CNBP: variants seen among roughly 807,000 people sequenced by gnomAD.
The protein encoded by CNBP is cellular nucleic acid-binding protein.
In CNBP, 6 loss-of-function variants were observed where a neutral mutation model predicts 21.2. That is an observed-to-expected ratio of 0.28 (90% CI 0.16 to 0.56). The LOEUF is 0.56. CNBP is among the 20% of genes least tolerant of loss of function. CNBP has a pLI of 0.93. For synonymous variants in CNBP, 61 were observed against 74.9 expected (o/e 0.81, Z 0.96); for missense variants, 112 against 233.1 (o/e 0.48, Z 3.38).
chr3:129,181,132 T>A (rs1344742901), intron 1 of CNBP, among the ~76,000 whole-genome samples: 1 of 146,624 alleles, frequency 6.8e-6, no homozygotes, highest in Non-Finnish European at 1.5e-5. Context: ...CCCAGCTACT[T>A]GGGAGGCTGA....
chr3:129,170,989 A>C (rs925243868), intron 4 of CNBP, 90 bp downstream of exon 4: 10 of 1,358,200 alleles, frequency 7.4e-6, no homozygotes, highest in Non-Finnish European at 1.0e-5. Flanking sequence ...AGTTTCACTG[A>C]ATTTACTAAG....
At position 129,179,512 on chromosome 3, in the gene CNBP, A is replaced by C. The variant is rs142711181; in HGVS notation, c.-15+4264T>G. 7.6e-3 allele frequency among the ~76,000 whole-genome samples: 1,164 copies of C among 152,264 alleles called. 12 individuals carry two copies. The highest frequency in any genetic ancestry group is 0.026 in the African/African-American group (1,068 of 41,544). ...GATATCTATGAGTCAGTCATTAGTAAACATATCTATAATCTTACAACCTCA... is the reference window on the plus strand; with the variant it reads ...GATATCTATGAGTCAGTCATTAGTACACATATCTATAATCTTACAACCTCA... On this transcript the variant is annotated intron_variant, in intron 1 of 4. Coordinates refer to ENST00000422453, the MANE Select transcript of CNBP (RefSeq NM_003418.5).
chr3:129,176,018 A>G (rs1937881353), intron 1 of CNBP, among the ~76,000 whole-genome samples: 1 of 152,104 alleles, frequency 6.6e-6, no homozygotes. Context: ...TAAACTAACC[A>G]CTTTCCACAA....
In CNBP at chr3:129,173,281, T is replaced by C. The variant is rs147077480; in HGVS notation, c.-14-1510A>G. On this transcript the variant is annotated intron_variant, in intron 1 of 4. Coordinates refer to ENST00000422453, the MANE Select transcript of CNBP (RefSeq NM_003418.5). The stretch of plus-strand genomic sequence containing the variant: ...AAGTATATGGGAAGATGTGCAAAGG[T>C]TGTAATGCAAGTACTACACTATTTT... Among the ~76,000 whole-genome samples, 44 of 152,292 alleles carry C rather than the reference T, an allele frequency of 2.9e-4. 1 individual carries two copies. Among genetic ancestry groups the C allele is most frequent in the African/African-American group, 2.6e-4 (11 of 41,560 alleles).
chr3:129,181,688 T>G (rs986569610), intron 1 of CNBP, among the ~76,000 whole-genome samples: 1 of 143,798 alleles, frequency 7.0e-6, no homozygotes, highest in Non-Finnish European at 1.5e-5. Context: ...TTCCACTGAT[T>G]TGGTTCAAAA....
At chr3:129,182,936 GTTGTTGT>G (rs1438561959) in intron 1 of CNBP, among the ~76,000 whole-genome samples, 2 of 37,134 alleles carry the variant, frequency 5.4e-5, no homozygotes, top group African/African-American at 1.1e-4. Flanking sequence ...GGAACCCTTT[GTTGTTGT>G]TTGTTTGTTT....
intron 1 of CNBP, among the ~76,000 whole-genome samples, chr3:129,174,786 T>C (rs539744347): frequency 1.3e-4 from 20 of 152,322 alleles, no homozygotes; most frequent in South Asian, 2.1e-4. Flanking sequence ...CATTTAACTA[T>C]TGATCTCAAG....
rs1937533229 is a variant in CNBP, at chr3:129,169,580, C to T, written c.*873G>A. 4.8e-6 allele frequency: 1 copy of T among 208,242 alleles called. No homozygotes were observed. Among genetic ancestry groups the T allele is most frequent in the Non-Finnish European group, 9.8e-6 (1 of 102,168 alleles). 12.9% of individuals were successfully genotyped at this position (208,242 alleles called of 1,614,324 possible). A position where few individuals can be genotyped will look rare whatever the true frequency, so the allele number is the denominator to read the frequency against. ...ACAAAAAGAACTTTAGTCAAACTCC[C>T]CTTCCTCCTCCAGCTTTATTGGAAT... is the stretch of plus-strand genomic sequence containing the variant. On this transcript the variant is annotated 3_prime_UTR_variant, in exon 5 of 5. Transcript: ENST00000422453.
chr3:129,171,818 T>G, intron 1 of CNBP, 47 bp from the exon 2 acceptor site: 2 of 1,557,210 alleles, frequency 1.3e-6, no homozygotes, highest in Non-Finnish European at 1.7e-6. Flanking sequence ...AAAGTTCTTT[T>G]AACTTTTATT....
At position 129,170,501 on chromosome 3, in the gene CNBP, G is replaced by A; in HGVS notation, c.486C>T (p.Gly162=). ...ATTCCCGTGCAAGGTGCCCTGACTC[G>A]CCACAGCGGTAACAGTTGACTTCAC... ...KTSEVNCYRC[G]ESGHLARECT... Residue 162 remains glycine, a synonymous_variant, in exon 5 of 5, where the codon GGC becomes GGT. Transcript: ENST00000422453. The A allele has an allele frequency of 6.2e-7, 1 of 1,614,154 alleles. No homozygotes were observed. The highest frequency in any genetic ancestry group is 8.5e-7 in the Non-Finnish European group (1 of 1,180,012).
chr3:129,177,919 G>A (rs1938025290), intron 1 of CNBP, among the ~76,000 whole-genome samples: 1 of 152,104 alleles, frequency 6.6e-6, no homozygotes, highest in Non-Finnish European at 1.5e-5. Context: ...CAGCATTTTG[G>A]GAGGCCGAGG....
Position 129,169,211 on chromosome 3 carries a change from T to C in CNBP, c.*1242A>G, listed in dbSNP as rs1004720195. ...CAGGAGGCTGAGGCAGGAGAATTGCTTGAACCCGGGAGGTGGAGGTTGCAG... is the reference window on the plus strand; with the variant it reads ...CAGGAGGCTGAGGCAGGAGAATTGCCTGAACCCGGGAGGTGGAGGTTGCAG... On this transcript the variant is annotated 3_prime_UTR_variant, in exon 5 of 5. Transcript: ENST00000422453. Among the ~76,000 whole-genome samples the C allele has an allele frequency of 2.0e-5, 3 of 152,022 alleles. No homozygotes were observed. Among genetic ancestry groups the C allele is most frequent in the Admixed American group, 6.6e-5 (1 of 15,266 alleles).
At chr3:129,178,893 C>A (rs1471550433) in intron 1 of CNBP, among the ~76,000 whole-genome samples, 1 of 152,114 alleles carries the variant, frequency 6.6e-6, no homozygotes, top group Non-Finnish European at 1.5e-5. Context: ...CAGGTGCCCA[C>A]CACGACGCCT....
chr3:129,170,967 T>C, intron 4 of CNBP, 112 bp downstream of exon 4: 1 of 1,111,892 alleles, frequency 9.0e-7, no homozygotes, highest in South Asian at 1.5e-5. Flanking sequence ...TGGTCTTATC[T>C]GGTCACAGCT....
At chr3:129,172,074 G>A (rs917462432) in intron 1 of CNBP, among the ~76,000 whole-genome samples, 1 of 152,044 alleles carries the variant, frequency 6.6e-6, no homozygotes, top group African/African-American at 2.4e-5. Flanking sequence ...GGGAGGCTGA[G>A]GCAGGAGAAT....
intron 1 of CNBP, among the ~76,000 whole-genome samples, chr3:129,179,736 G>T (rs1318821159): frequency 6.6e-6 from 1 of 152,108 alleles, no homozygotes; most frequent in Non-Finnish European, 1.5e-5. Context: ...GGTGCATGAG[G>T]CAAGAGAATC....
intron 1 of CNBP, among the ~76,000 whole-genome samples, chr3:129,180,324 G>A (rs1938210600): frequency 1.3e-5 from 2 of 152,136 alleles, no homozygotes; most frequent in South Asian, 4.1e-4. Context: ...CATTCACACA[G>A]CTTTCTTGAA....
intron 1 of CNBP, among the ~76,000 whole-genome samples, chr3:129,172,212 GACTT>G (rs1189825306): frequency 6.6e-6 from 1 of 152,078 alleles, no homozygotes; most frequent in Non-Finnish European, 1.5e-5. Context: ...GGGTATTATA[GACTT>G]ATTATAATAT....
At chr3:129,178,172 A>T (rs1026512420) in intron 1 of CNBP, among the ~76,000 whole-genome samples, 1 of 151,100 alleles carries the variant, frequency 6.6e-6, no homozygotes, top group South Asian at 2.1e-4. Context: ...AAAAAAAAAA[A>T]AAAAAAATAA....
Sources: gnomAD v4.1 joint callset for allele counts (sites outside exome capture counted in the v4.1 genomes callset) on GRCh38, gnomAD v4.1.1 for gene constraint, MANE v1.5 for transcripts, NCBI Gene and HGNC (gene_info 2026-07-23, HGNC 2026-07-21) for gene names.